Variants in FRMPD1 observed in about 807,000 individuals in gnomAD.
FRMPD1 encodes the protein FERM and PDZ domain containing 1.
Under a neutral mutation model 117.8 loss-of-function variants are expected in FRMPD1, and 76 were observed. That is an observed-to-expected ratio of 0.65 (90% CI 0.54 to 0.78). The LOEUF (loss-of-function observed/expected upper bound fraction) is 0.78, where lower values mean the gene tolerates loss of function less well. Among genes scored for constraint, FRMPD1 ranks in the 30% least tolerant of loss-of-function variants. The pLI, the probability that FRMPD1 is intolerant of heterozygous loss-of-function variation, is 0.00. For missense variants in FRMPD1, 1,786 were observed against 1,964.5 expected (o/e 0.91, Z 1.72); for synonymous variants, 783 against 770.4 (o/e 1.02, Z -0.27).
At position 37,735,649 on chromosome 9, in the gene FRMPD1, C is replaced by T. The variant is rs1432665838; in HGVS notation, c.1316C>T (p.Ala439Val). ...AAACTCAACATCATGTCCACATTGG[C>T]AGAGTTTGCAAACATCAGCCGTGTA... ...NSKLNIMSTL[A>V]EFANISRVEL... Residue 439 changes from alanine (A) to valine (V), a missense_variant, in exon 13 of 16, where the codon GCA (alanine) becomes GTA (valine). Physicochemically the swap from Ala to Val is moderately conservative, Grantham distance 64. Coordinates refer to ENST00000377765, the MANE Select transcript of FRMPD1 (RefSeq NM_014907.3). 1.2e-5 allele frequency: 20 copies of T among 1,613,554 alleles called. No individual in the cohort carries two copies. The highest frequency in any genetic ancestry group is 1.7e-5 in the Non-Finnish European group (20 of 1,179,606).
intron 1 of FRMPD1, among the ~76,000 whole-genome samples, chr9:37,685,544 C>T (rs1048234391): frequency 1.1e-4 from 17 of 151,678 alleles, no homozygotes; most frequent in African/African-American, 3.4e-4. Context: ...CCCAGCTACT[C>T]GGGAGGCTGA....
At chr9:37,619,306 A>C in the FRMPD1 span, among the ~76,000 whole-genome samples, 2 of 152,168 alleles carry the variant, frequency 1.3e-5, no homozygotes, top group African/African-American at 4.8e-5. Context: ...ACTGGAAAAT[A>C]CTTGAGGTCA....
rs1463995051 is a variant in FRMPD1 at position 37,697,743 on chromosome 9, A to G, written c.101+5001A>G. On this transcript the variant is annotated intron_variant, in intron 2 of 15. Transcript: ENST00000377765. The stretch of plus-strand genomic sequence containing the variant: ...ACCTTTTGCTTTCAATCAAATTGTC[A>G]TCTTCTTTATAGCTTCGTATGACTA... Among the ~76,000 whole-genome samples, 5 of 152,358 alleles carry G rather than the reference A, an allele frequency of 3.3e-5. 1 individual carries two copies. Among genetic ancestry groups the G allele is most frequent in the Admixed American group, 2.0e-4 (3 of 15,304 alleles).
intron 8 of FRMPD1, 92 bp downstream of exon 8, chr9:37,729,945 C>G: frequency 1.5e-6 from 2 of 1,359,328 alleles, no homozygotes; most frequent in Non-Finnish European, 1.0e-6. Flanking sequence ...CTCAGCACAT[C>G]TGCAGGTTTG....
Position 37,733,831 on chromosome 9 carries a change from T to C in FRMPD1, c.1218+6T>C, listed in dbSNP as rs1281987041. On this transcript the variant is annotated splice_donor_region_variant and intron_variant, in intron 12 of 15. Transcript: ENST00000377765. The stretch of plus-strand genomic sequence containing the variant: ...TCTTTAATGCTACTTTAATGGTATG[T>C]ATTAGAGAACTGTGAAATCCTACTC... The C allele has an allele frequency of 7.0e-7, 1 of 1,432,078 alleles. No individual in the cohort carries two copies. The highest frequency in any genetic ancestry group is 1.6e-5 in the African/African-American group (1 of 63,140). The allele number at this position is 1,432,078 out of a possible 1,614,324, so 88.7% of individuals were successfully genotyped here.
the FRMPD1 span, among the ~76,000 whole-genome samples, chr9:37,618,625 AC>A: frequency 6.6e-6 from 1 of 152,110 alleles, no homozygotes; most frequent in African/African-American, 2.4e-5. Context: ...GTCCAAATTA[AC>A]CTTTCCAGGT....
chr9:37,660,731 C>T (rs1563921372), intron 1 of FRMPD1, among the ~76,000 whole-genome samples: 1 of 152,290 alleles, frequency 6.6e-6, no homozygotes, highest in Middle Eastern at 3.4e-3. Flanking sequence ...TTCATTTCTG[C>T]AAGGCAATAC....
chr9:37,610,720 G>A, the FRMPD1 span, among the ~76,000 whole-genome samples: 1 of 151,630 alleles, frequency 6.6e-6, no homozygotes, highest in Non-Finnish European at 1.5e-5. Context: ...ACAGCCTCCT[G>A]AGTAGCTGCG....
At chr9:37,730,354 A>C (rs1823816355) in intron 8 of FRMPD1, among the ~76,000 whole-genome samples, 1 of 152,228 alleles carries the variant, frequency 6.6e-6, no homozygotes, top group African/African-American at 2.4e-5. Context: ...CAACTTTTTA[A>C]AGCTAAACAC....
chr9:37,729,742 C>T lies in FRMPD1; in HGVS notation c.627C>T (p.Thr209=), dbSNP rs375763089. ...ANTTVKDIIL[T]VKEKLSIRSI... ...GTGCCTGCTAGGACATCATCCTCAC[C>T]GTGAAGGAGAAGCTGTCCATCCGAA... Residue 209 remains threonine, a synonymous_variant, in exon 8 of 16, where the codon ACC becomes ACT. Transcript: ENST00000377765. 44 of 1,613,844 alleles carry T rather than the reference C, an allele frequency of 2.7e-5. No individual in the cohort carries two copies. Among genetic ancestry groups the T allele is most frequent in the East Asian group, 6.7e-5 (3 of 44,898 alleles).
chr9:37,707,468 A>T lies in FRMPD1; in HGVS notation c.154A>T (p.Ile52Phe), dbSNP rs1822752897. Residue 52 changes from isoleucine to phenylalanine, a missense_variant, in exon 3 of 16, where the codon ATC (isoleucine) becomes TTC (phenylalanine). Ile to Phe is a conservative substitution (Grantham distance 21, BLOSUM62 0). Transcript: ENST00000377765. ...CGCCAGGAACCCAACTCAGACCCTC[A>T]TCCCTGTGCGACACACAGTAAAGAT... ...GPARNPTQTLIPVRHTVKIDK... is the reference protein window; with the variant it reads ...GPARNPTQTLFPVRHTVKIDK... The T allele has an allele frequency of 6.2e-7, 1 of 1,613,964 alleles. No homozygotes were observed. The highest frequency in any genetic ancestry group is 2.2e-5 in the East Asian group (1 of 44,874).
At chr9:37,674,740 C>T (rs1821467327) in intron 1 of FRMPD1, among the ~76,000 whole-genome samples, 1 of 152,174 alleles carries the variant, frequency 6.6e-6, no homozygotes, top group African/African-American at 2.4e-5. Flanking sequence ...AAAGTGGAAA[C>T]CCCTGATAAA....
intron 8 of FRMPD1, among the ~76,000 whole-genome samples, chr9:37,730,708 G>A (rs182160410): frequency 6.6e-6 from 1 of 152,296 alleles, no homozygotes; most frequent in East Asian, 1.9e-4. Flanking sequence ...CTCTGGAAGG[G>A]GCACACAAGA....
Position 37,745,173 on chromosome 9 carries a change from GCC to G in FRMPD1, c.3144_3145del (p.His1049CysfsTer30). On this transcript the variant is annotated frameshift_variant, in exon 16 of 16. Coordinates refer to ENST00000377765, the MANE Select transcript of FRMPD1 (RefSeq NM_014907.3). LOFTEE classifies it low-confidence loss of function (END_TRUNC). ...GAGACACACTAGAGCTCCAGTTGGA[GCC>G]CCATGTCCAGTTGGAAATGGGATTG... ...QGDTLELQLE[P>X]HVQLEMGLES... 6.2e-7 allele frequency: 1 copy of G among 1,614,012 alleles called. No individual in the cohort carries two copies. Among genetic ancestry groups the G allele is most frequent in the East Asian group, 2.2e-5 (1 of 44,878 alleles).
chr9:37,692,731 C>G lies in FRMPD1; in HGVS notation c.90C>G (p.Asp30Glu). The change falls in exon 2 of 16, where the codon GAC (aspartate) becomes GAG (glutamate). Residue 30 changes from aspartate (D) to glutamate (E), a missense_variant. Transcript: ENST00000377765. ...MVARWLRRSR[D>E]SSARAKVAAA... ...CAAGATGGCTTCGGCGCTCCCGGGA[C>G]AGCTCGGCCCGGTAAGCCTCCTGAG... The G allele has an allele frequency of 6.2e-7, 1 of 1,612,328 alleles. No homozygotes were observed. The highest frequency in any genetic ancestry group is 8.5e-7 in the Non-Finnish European group (1 of 1,178,376).
At chr9:37,654,302 G>A (rs1820776302) in intron 1 of FRMPD1, among the ~76,000 whole-genome samples, 1 of 152,188 alleles carries the variant, frequency 6.6e-6, no homozygotes, top group African/African-American at 2.4e-5. Context: ...GGGTGGTCAG[G>A]GCAGGCCTAT....
chr9:37,653,971 A>G (rs1404852205), intron 1 of FRMPD1, among the ~76,000 whole-genome samples: 1 of 152,120 alleles, frequency 6.6e-6, no homozygotes, highest in Admixed American at 6.5e-5. Context: ...TAAAAAAAAG[A>G]AGACAGAGGG....
chr9:37,701,925 T>C (rs1215636980), intron 2 of FRMPD1, among the ~76,000 whole-genome samples: 1 of 152,128 alleles, frequency 6.6e-6, no homozygotes, highest in Non-Finnish European at 1.5e-5. Context: ...ATGGACCCTT[T>C]TTGAGATCTT....
At chr9:37,608,263 C>T in the FRMPD1 span, among the ~76,000 whole-genome samples, 8 of 152,184 alleles carry the variant, frequency 5.3e-5, no homozygotes, top group African/African-American at 1.9e-4. Flanking sequence ...ATTTAAGAAA[C>T]ATGGCATAAC....
Sources: allele counts gnomAD v4.1 joint callset (sites outside exome capture counted in the v4.1 genomes callset), GRCh38; gene constraint gnomAD v4.1.1; transcripts MANE v1.5; gene names NCBI Gene and HGNC (gene_info 2026-07-23, HGNC 2026-07-21).